DOCK2: variants seen among roughly 807,000 people sequenced by gnomAD.
DOCK2 encodes the protein dedicator of cytokinesis 2, also known as dedicator of cytokinesis protein 2.
Under a neutral mutation model 248.9 loss-of-function variants are expected in DOCK2, and 87 were observed. The ratio of observed to expected loss-of-function variants is 0.35; its 90% CI spans 0.29 to 0.42. The LOEUF (loss-of-function observed/expected upper bound fraction) is 0.42, where lower values mean the gene tolerates loss of function less well. DOCK2 is among the 10% of genes least tolerant of loss of function. The pLI, the probability that DOCK2 is intolerant of heterozygous loss-of-function variation, is 1.00. For synonymous variants in DOCK2, 805 were observed against 821.6 expected (o/e 0.98, Z 0.35); for missense variants, 1,747 against 2,300.2 (o/e 0.76, Z 4.92).
chr5:169,817,823 G>A (rs573044713), intron 26 of DOCK2, among the ~76,000 whole-genome samples: 2 of 152,140 alleles, frequency 1.3e-5, no homozygotes, highest in Non-Finnish European at 2.9e-5. Context: ...GCATAGTGCC[G>A]AACTCCGAGC....
chr5:169,925,111 A>G (rs1361373455), intron 27 of DOCK2, among the ~76,000 whole-genome samples: 1 of 151,820 alleles, frequency 6.6e-6, no homozygotes, highest in Non-Finnish European at 1.5e-5. Context: ...CCAACCCCCC[A>G]TTCATCTGTT....
At chr5:169,786,200 C>T (rs1765969279) in intron 25 of DOCK2, among the ~76,000 whole-genome samples, 1 of 152,214 alleles carries the variant, frequency 6.6e-6, no homozygotes, top group Non-Finnish European at 1.5e-5. Context: ...ATTTCTACAG[C>T]ACCTCATAAA....
intron 33 of DOCK2, among the ~76,000 whole-genome samples, chr5:170,025,467 C>G (rs953026865): frequency 1.3e-5 from 2 of 152,112 alleles, no homozygotes; most frequent in Non-Finnish European, 2.9e-5. Flanking sequence ...AAATCCTGAC[C>G]CTGAGGATTA....
intron 27 of DOCK2, among the ~76,000 whole-genome samples, chr5:169,888,194 C>T (rs1000156277): frequency 3.3e-5 from 5 of 152,120 alleles, no homozygotes; most frequent in Non-Finnish European, 7.3e-5. Context: ...CCACCATGAC[C>T]CTTGCACAGA....
intron 6 of DOCK2, among the ~76,000 whole-genome samples, chr5:169,678,283 T>C (rs192148000): frequency 2.9e-4 from 44 of 152,198 alleles, no homozygotes; most frequent in South Asian, 6.2e-4. Context: ...TTGTTTTTTT[T>C]TTTCTTTTTT....
chr5:169,860,281 G>T (rs72841201), intron 27 of DOCK2, among the ~76,000 whole-genome samples: 30 of 151,942 alleles, frequency 2.0e-4, no homozygotes, highest in African/African-American at 7.3e-4. Context: ...CCCTTGCCCC[G>T]AGAAAAACCT....
At chr5:169,825,024 C>T (rs1263868096) in intron 26 of DOCK2, among the ~76,000 whole-genome samples, 4 of 152,290 alleles carry the variant, frequency 2.6e-5, no homozygotes, top group Admixed American at 6.5e-5. Context: ...AAAAAATGCT[C>T]ATCATCACTG....
intron 27 of DOCK2, among the ~76,000 whole-genome samples, chr5:169,897,710 G>A (rs547616543): frequency 1.3e-5 from 2 of 152,152 alleles, no homozygotes. Flanking sequence ...TTGTGACGGG[G>A]TGAGCTCCCT....
Position 170,081,952 on chromosome 5 carries a change from C to T in DOCK2, c.5398C>T (p.Arg1800Trp), listed in dbSNP as rs368448938. 51 of 1,613,954 alleles carry T rather than the reference C, an allele frequency of 3.2e-5. No individual in the cohort carries two copies. The highest frequency in any genetic ancestry group is 6.7e-5 in the East Asian group (3 of 44,888). The change falls in exon 51 of 52, where the codon CGG becomes TGG. Residue 1800 changes from arginine (R) to tryptophan (W), a missense_variant. Arg to Trp is a moderately radical substitution (Grantham distance 101). This residue lies in a region of DOCK2 where 513 missense variants were observed against 586.1 expected (regional missense o/e 0.88). Transcript: ENST00000520908. ...LSDGDKKTLT[R>W]KKVNQFFKTM... is the part of the protein sequence containing the mutation. Reference sequence around the variant, plus strand: ...AGATGGTGACAAGAAGACACTCACACGGAAGAAGGTCAATCAGTTCTTCAA... The same window carrying T: ...AGATGGTGACAAGAAGACACTCACATGGAAGAAGGTCAATCAGTTCTTCAA...
chr5:169,788,881 TTG>T (rs1766150436), intron 25 of DOCK2, among the ~76,000 whole-genome samples: 1 of 152,198 alleles, frequency 6.6e-6, no homozygotes, highest in South Asian at 2.1e-4. Flanking sequence ...ATGTGCGGGT[TTG>T]TTATATGGGT....
At chr5:169,882,236 C>G (rs1772697077) in intron 27 of DOCK2, among the ~76,000 whole-genome samples, 1 of 152,170 alleles carries the variant, frequency 6.6e-6, no homozygotes, top group African/African-American at 2.4e-5. Flanking sequence ...CATTTTCCCC[C>G]ATCATGTATC....
intron 25 of DOCK2, among the ~76,000 whole-genome samples, chr5:169,784,869 A>G (rs1193641006): frequency 6.6e-6 from 1 of 152,362 alleles, no homozygotes; most frequent in East Asian, 1.9e-4. Context: ...TAAGTAAACA[A>G]TAGTGCAGGT....
chr5:169,689,416 G>A, intron 9 of DOCK2, 83 bp downstream of exon 9: 2 of 1,428,696 alleles, frequency 1.4e-6, no homozygotes, highest in Non-Finnish European at 9.8e-7. Flanking sequence ...AGGAGCTCAG[G>A]GTGAAGTGTG....
At chr5:169,840,191 C>A (rs892165502) in intron 26 of DOCK2, among the ~76,000 whole-genome samples, 1 of 152,132 alleles carries the variant, frequency 6.6e-6, no homozygotes, top group African/African-American at 2.4e-5. Context: ...CACGAGCAGG[C>A]GTCTTCACGT....
rs140967639 is a variant in DOCK2 at position 169,674,705 on chromosome 5, T to C, written c.470+260T>C. ...ATTTAGGACACTCATTTAACCTACT[T>C]CCGATGGACTAGGGAGCATAGTCAT... On this transcript the variant is annotated intron_variant, in intron 6 of 51. Transcript: ENST00000520908. Among the ~76,000 whole-genome samples, 429 of 152,254 alleles carry C rather than the reference T, an allele frequency of 2.8e-3. 5 individuals are homozygous for C. The highest frequency in any genetic ancestry group is 1.0e-2 in the African/African-American group (414 of 41,542).
At position 169,942,561 on chromosome 5, in the gene DOCK2, C is replaced by G. The variant is rs557581527; in HGVS notation, c.2800-40507C>G. 2.0e-5 allele frequency among the ~76,000 whole-genome samples: 3 copies of G among 152,336 alleles called. No homozygotes were observed. The East Asian group carries it at 5.8e-4, about 29-fold the overall frequency. On this transcript the variant is annotated intron_variant, in intron 27 of 51. Transcript: ENST00000520908. ...ATTTTACAGAAAATTGTAATTTTCCCTCCCAAGTTCCCTCCATTGTGAGGA... is the reference window on the plus strand; with the variant it reads ...ATTTTACAGAAAATTGTAATTTTCCGTCCCAAGTTCCCTCCATTGTGAGGA...
rs188038090 is a variant in DOCK2, at chr5:169,862,027, C to G, written c.2799+21175C>G. Among the ~76,000 whole-genome samples the G allele has an allele frequency of 5.9e-5, 9 of 151,750 alleles. No individual in the cohort carries two copies. In the East Asian group the frequency reaches 1.7e-3, roughly 29 times the overall value. Reference sequence around the variant, plus strand: ...CAGTTAAGGGTTCATGTGAGGGCCTCAACTGGAAACATATCTATGACCACA... The same window carrying G: ...CAGTTAAGGGTTCATGTGAGGGCCTGAACTGGAAACATATCTATGACCACA... On this transcript the variant is annotated intron_variant, in intron 27 of 51. Coordinates refer to ENST00000520908, the MANE Select transcript of DOCK2 (RefSeq NM_004946.3).
chr5:169,665,378 A>ATCAGCATATT (rs1252285186), intron 2 of DOCK2, among the ~76,000 whole-genome samples: 48 of 149,870 alleles, frequency 3.2e-4, no homozygotes, highest in African/African-American at 1.1e-3. Context: ...ATATGTTTAT[A>ATCAGCATATT]TATAAATATG....
rs576874968 is a variant in DOCK2 at position 169,699,470 on chromosome 5, A to G, written c.1132+12A>G. The G allele has an allele frequency of 5.6e-6, 9 of 1,610,284 alleles. No individual in the cohort carries two copies. The East Asian group carries it at 1.8e-4, about 32-fold the overall frequency. ...CAGTGGAGGGCAAGGTAAAGTGCCA[A>G]TATGCCAGTGGGCTGAGCCTGCTCC... is the stretch of plus-strand genomic sequence containing the variant. On this transcript the variant is annotated intron_variant, in intron 12 of 51. Transcript: ENST00000520908.
Sources: gnomAD v4.1 joint callset for allele counts (sites outside exome capture counted in the v4.1 genomes callset) on GRCh38, gnomAD v4.1.1 for gene constraint, gnomAD v4.1.1 regional missense constraint, MANE v1.5 for transcripts, NCBI Gene and HGNC (gene_info 2026-07-23, HGNC 2026-07-21) for gene names.